PDZD2: variants seen among roughly 807,000 people sequenced by gnomAD.
The protein encoded by PDZD2 is PDZ domain-containing protein 2.
In PDZD2, 90 loss-of-function variants were observed where a neutral mutation model predicts 220.7. That is an observed-to-expected ratio of 0.41 (90% CI 0.34 to 0.49). PDZD2 has a LOEUF of 0.49. PDZD2 is among the 20% of genes least tolerant of loss of function. The pLI is 0.28. For synonymous variants in PDZD2, 1,375 were observed against 1,450.5 expected (o/e 0.95, Z 1.18); for missense variants, 3,174 against 3,608.5 (o/e 0.88, Z 3.08).
intron 1 of PDZD2, among the ~76,000 whole-genome samples, chr5:31,674,931 G>A (rs1746348515): frequency 6.6e-6 from 1 of 152,344 alleles, no homozygotes; most frequent in African/African-American, 2.4e-5. Flanking sequence ...GAGGACTCAA[G>A]TGTGGGACTG....
At chr5:32,036,119 C>T (rs1322461850) in intron 6 of PDZD2, among the ~76,000 whole-genome samples, 1 of 152,028 alleles carries the variant, frequency 6.6e-6, no homozygotes, top group African/African-American at 2.4e-5. Flanking sequence ...AATTTCACAC[C>T]CGGCTAATTT....
intron 19 of PDZD2, among the ~76,000 whole-genome samples, chr5:32,082,308 C>T (rs1361284195): frequency 1.3e-5 from 2 of 152,108 alleles, no homozygotes; most frequent in South Asian, 2.1e-4. Flanking sequence ...AGGCATAAGC[C>T]GCTGCGCCTA....
At chr5:31,879,651 C>G (rs892657340) in intron 2 of PDZD2, among the ~76,000 whole-genome samples, 1 of 152,072 alleles carries the variant, frequency 6.6e-6, no homozygotes, top group South Asian at 2.1e-4. Context: ...TTGCCTTGTC[C>G]TTCCTTTTTC....
At chr5:31,897,763 G>T (rs569805413) in intron 2 of PDZD2, among the ~76,000 whole-genome samples, 2 of 150,496 alleles carry the variant, frequency 1.3e-5, no homozygotes, top group East Asian at 3.9e-4. Context: ...TTGAGACGGA[G>T]TCTGTCTCTG....
rs148897893 is a variant in PDZD2 at position 31,970,774 on chromosome 5, A to G, written c.477-12381A>G. Among the ~76,000 whole-genome samples the G allele has an allele frequency of 3.3e-3, 508 of 152,354 alleles. 5 individuals are homozygous for G. The highest frequency in any genetic ancestry group is 0.022 in the Admixed American group (341 of 15,302). On this transcript the variant is annotated intron_variant, in intron 2 of 24. Coordinates refer to ENST00000438447, the MANE Select transcript of PDZD2 (RefSeq NM_178140.4). ...TTGCTAAAGGAAAGATTGGCAGTAC[A>G]TATGAAAGAATTTGAATGTGCTTAT...
intron 2 of PDZD2, among the ~76,000 whole-genome samples, chr5:31,961,618 T>G (rs114226557): frequency 0.027 from 4,029 of 151,808 alleles, 185 homozygotes; most frequent in African/African-American, 0.094. Context: ...ACTTTTCTTA[T>G]TTGTTCTTCC....
At chr5:31,997,916 C>T (rs1561298511) in intron 4 of PDZD2, among the ~76,000 whole-genome samples, 1 of 152,140 alleles carries the variant, frequency 6.6e-6, no homozygotes, top group Admixed American at 6.6e-5. Context: ...GATCTCGGCT[C>T]ACCACAACCT....
chr5:31,755,683 A>G (rs1259711836), intron 1 of PDZD2, among the ~76,000 whole-genome samples: 3 of 151,100 alleles, frequency 2.0e-5, no homozygotes, highest in Non-Finnish European at 2.9e-5. Flanking sequence ...TGAATCTAAC[A>G]TAAGTAATAG....
At chr5:31,811,857 G>A (rs546640551) in intron 2 of PDZD2, among the ~76,000 whole-genome samples, 59 of 152,126 alleles carry the variant, frequency 3.9e-4, no homozygotes, top group Non-Finnish European at 5.6e-4. Context: ...AGGCGTGGTG[G>A]TGCGTGCCTG....
chr5:31,956,041 C>A (rs1005448803), intron 2 of PDZD2, among the ~76,000 whole-genome samples: 13 of 152,086 alleles, frequency 8.5e-5, no homozygotes, highest in Non-Finnish European at 1.6e-4. Context: ...TGTAGCCCAA[C>A]ATATCTATCC....
chr5:31,822,605 C>T (rs1296649585), intron 2 of PDZD2: 97 of 1,254,764 alleles, frequency 7.7e-5, no homozygotes, highest in Non-Finnish European at 1.0e-4. Context: ...GACATAGATA[C>T]CATCCAAAAA....
intron 1 of PDZD2, among the ~76,000 whole-genome samples, chr5:31,780,385 T>G (rs370448722): frequency 6.6e-6 from 1 of 152,132 alleles, no homozygotes; most frequent in South Asian, 2.1e-4. Context: ...ACCTTGTGCT[T>G]TTTCTTGTGG....
intron 2 of PDZD2, among the ~76,000 whole-genome samples, chr5:31,841,605 G>A (rs1454989043): frequency 2.6e-5 from 4 of 152,048 alleles, no homozygotes; most frequent in Admixed American, 6.6e-5. Context: ...TCCAGGAGGC[G>A]GAGGTTGCAG....
At chr5:31,829,836 T>C (rs950837934) in intron 2 of PDZD2, among the ~76,000 whole-genome samples, 1 of 151,838 alleles carries the variant, frequency 6.6e-6, no homozygotes, top group African/African-American at 2.4e-5. Context: ...GTGGATCACT[T>C]GAGGTCAGGA....
At chr5:31,759,988 C>G (rs1751535009) in intron 1 of PDZD2, among the ~76,000 whole-genome samples, 1 of 152,170 alleles carries the variant, frequency 6.6e-6, no homozygotes, top group Non-Finnish European at 1.5e-5. Context: ...ACAGCATCTT[C>G]CAACCTCAGG....
intron 2 of PDZD2, among the ~76,000 whole-genome samples, chr5:31,951,990 C>T (rs928688883): frequency 6.6e-6 from 1 of 152,134 alleles, no homozygotes; most frequent in East Asian, 1.9e-4. Context: ...TCTTATTTCT[C>T]TCTCTCATTA....
chr5:31,801,979 G>A (rs572917720), intron 2 of PDZD2, among the ~76,000 whole-genome samples: 1 of 152,194 alleles, frequency 6.6e-6, no homozygotes, highest in African/African-American at 2.4e-5. Context: ...ACTTGTTGGG[G>A]GAGTGACAGG....
At chr5:31,760,322 T>C (rs764265265) in intron 1 of PDZD2, among the ~76,000 whole-genome samples, 3 of 151,918 alleles carry the variant, frequency 2.0e-5, no homozygotes, top group Non-Finnish European at 4.4e-5. Flanking sequence ...ATTTCAGGAG[T>C]TGCATGAAAC....
chr5:32,034,474 T>C (rs1236345546), intron 6 of PDZD2, among the ~76,000 whole-genome samples: 1 of 151,858 alleles, frequency 6.6e-6, no homozygotes, highest in African/African-American at 2.4e-5. Flanking sequence ...TTCTTGTGCC[T>C]TAGCCTTCAG....
Sources: gnomAD v4.1 joint callset for allele counts (sites outside exome capture counted in the v4.1 genomes callset) on GRCh38, gnomAD v4.1.1 for gene constraint, MANE v1.5 for transcripts, NCBI Gene and HGNC (gene_info 2026-07-23, HGNC 2026-07-21) for gene names.